STAT5B: variants seen among roughly 807,000 people sequenced by gnomAD.
The protein encoded by STAT5B is signal transducer and activator of transcription 5B.
A neutral mutation model predicts 107.8 loss-of-function variants in STAT5B; 21 were observed. That is an observed-to-expected ratio of 0.19 (90% CI 0.14 to 0.28). The LOEUF is 0.28. STAT5B is among the 10% of genes least tolerant of loss of function. The pLI, the probability that STAT5B is intolerant of heterozygous loss-of-function variation, is 1.00. For synonymous variants in STAT5B, 325 were observed against 401.7 expected (o/e 0.81, Z 2.28); for missense variants, 565 against 1,008.2 (o/e 0.56, Z 5.95).
At chr17:42,255,016 A>G (rs2080530884) in intron 1 of STAT5B, among the ~76,000 whole-genome samples, 1 of 152,116 alleles carries the variant, frequency 6.6e-6, no homozygotes, top group Non-Finnish European at 1.5e-5. Flanking sequence ...ACTTGAACCC[A>G]GGAGGCAGAG....
At chr17:42,271,273 A>G (rs2080720415) in intron 1 of STAT5B, 1 of 152,256 alleles carries the variant, frequency 6.6e-6, no homozygotes, top group African/African-American at 2.4e-5. Flanking sequence ...TTGTCCTGTT[A>G]TCATTACAGG....
At chr17:42,269,836 A>G (rs1045340738) in intron 1 of STAT5B, 2 of 147,494 alleles carry the variant, frequency 1.4e-5, no homozygotes, top group African/African-American at 4.9e-5. Flanking sequence ...TCATAAATGA[A>G]AAAAAAAAAA....
At chr17:42,248,247 C>T (rs966426055) in intron 1 of STAT5B, among the ~76,000 whole-genome samples, 1 of 146,064 alleles carries the variant, frequency 6.8e-6, no homozygotes, top group Non-Finnish European at 1.5e-5. Flanking sequence ...TGCACTCCAG[C>T]CTGGGTGACA....
At chr17:42,246,716 G>C (rs944163122) in intron 1 of STAT5B, among the ~76,000 whole-genome samples, 19 of 152,250 alleles carry the variant, frequency 1.2e-4, no homozygotes, top group Non-Finnish European at 4.4e-5. Context: ...GCTCCCAGGA[G>C]GTCAAGGCTG....
chr17:42,218,684 G>A (rs2080195947), intron 8 of STAT5B, 39 bp downstream of exon 8: 1 of 1,611,810 alleles, frequency 6.2e-7, no homozygotes, highest in Non-Finnish European at 8.5e-7. Context: ...GGCAGGAGCT[G>A]CCCCAAGCTC....
chr17:42,264,978 ATG>A (rs1457861111), intron 1 of STAT5B, among the ~76,000 whole-genome samples: 2 of 120,950 alleles, frequency 1.7e-5, no homozygotes, highest in African/African-American at 6.4e-5. Context: ...GCATTTTTTC[ATG>A]TGTTTTTTGG....
At chr17:42,262,880 ACAC>A (rs2080618962) in intron 1 of STAT5B, among the ~76,000 whole-genome samples, 1 of 125,560 alleles carries the variant, frequency 8.0e-6, no homozygotes, top group Non-Finnish European at 1.7e-5. Flanking sequence ...GTGTATATAT[ACAC>A]ATATATATGT....
At position 42,201,369 on chromosome 17, in the gene STAT5B, A is replaced by G; in HGVS notation, c.*369T>C. 1 of 577,172 alleles carries G rather than the reference A, an allele frequency of 1.7e-6. No homozygotes were observed. Among genetic ancestry groups the G allele is most frequent in the Admixed American group, 3.1e-5 (1 of 32,022 alleles). 35.8% of individuals were successfully genotyped at this position (577,172 alleles called of 1,614,324 possible). On this transcript the variant is annotated 3_prime_UTR_variant, in exon 19 of 19. Transcript: ENST00000293328. ...TTCAAACAGCCACATGTCAAAGTCCAGCCACTCTTAAGACACATGGCCAAC... is the reference window on the plus strand; with the variant it reads ...TTCAAACAGCCACATGTCAAAGTCCGGCCACTCTTAAGACACATGGCCAAC...
chr17:42,288,093 T>TCGCC, the STAT5B span: 1 of 152,194 alleles, frequency 6.6e-6, no homozygotes, highest in Non-Finnish European at 1.5e-5. The surrounding 1 kb of genome is among the most constrained non-coding windows in gnomAD (Gnocchi z 4.8). Flanking sequence ...CTGGAAGGCG[T>TCGCC]CGCCAATTGG....
At chr17:42,282,039 A>T in the STAT5B span, among the ~76,000 whole-genome samples, 1 of 152,180 alleles carries the variant, frequency 6.6e-6, no homozygotes, top group Non-Finnish European at 1.5e-5. Context: ...CCAGGGCAGC[A>T]GGGGGAGAGT....
At chr17:42,261,448 A>G (rs1193269610) in intron 1 of STAT5B, among the ~76,000 whole-genome samples, 1 of 152,258 alleles carries the variant, frequency 6.6e-6, no homozygotes, top group Non-Finnish European at 1.5e-5. Context: ...CGTGATTTTT[A>G]AAAATGTTTT....
Position 42,207,755 on chromosome 17 carries a change from T to A in STAT5B, c.1907-27A>T, listed in dbSNP as rs2080098097. On this transcript the variant is annotated intron_variant, in intron 15 of 18. Transcript: ENST00000293328. ...TAGATCAATAAACAGAACAATCACA[T>A]TCTAAACATGATTTCTGAATTAGGA... is the stretch of plus-strand genomic sequence containing the variant. 8 of 1,613,154 alleles carry A rather than the reference T, an allele frequency of 5.0e-6. No individual in the cohort carries two copies. The African/African-American group carries it at 6.7e-5, about 13-fold the overall frequency.
intron 13 of STAT5B, 73 bp from the exon 14 acceptor site, chr17:42,210,570 GAAAAATTA>G: frequency 7.4e-7 from 1 of 1,357,060 alleles, no homozygotes. Flanking sequence ...TATTTAATTG[GAAAAATTA>G]AATGGGAAAC....
chr17:42,211,374 C>T (rs1005095161), intron 13 of STAT5B, among the ~76,000 whole-genome samples: 7 of 151,936 alleles, frequency 4.6e-5, no homozygotes, highest in Non-Finnish European at 7.4e-5. Flanking sequence ...GGCGTGGTGC[C>T]GCATGCCTGT....
chr17:42,241,445 ATTTTT>A (rs373823195), intron 1 of STAT5B, among the ~76,000 whole-genome samples: 3 of 143,706 alleles, frequency 2.1e-5, no homozygotes, highest in African/African-American at 7.6e-5. Context: ...TAGTACAGCA[ATTTTT>A]TTTTTTTTTT....
At chr17:42,262,948 G>GTATATATATGTATATATATA (rs2080623571) in intron 1 of STAT5B, among the ~76,000 whole-genome samples, 5 of 49,612 alleles carry the variant, frequency 1.0e-4, no homozygotes, top group Admixed American at 4.7e-4. Flanking sequence ...ATATATGTGT[G>GTATATATATGTATATATATA]TGTGTGTGTG....
Position 42,256,916 on chromosome 17 carries a change from C to T in STAT5B, c.-11+19332G>A, listed in dbSNP as rs116989542. On this transcript the variant is annotated intron_variant, in intron 1 of 18. Coordinates refer to ENST00000293328, the MANE Select transcript of STAT5B (RefSeq NM_012448.4). ...CTACATACTTGTTCTATTTTATTAT[C>T]ATTGTTCTTAATCTCTTACTGTGCC... Among the ~76,000 whole-genome samples the T allele has an allele frequency of 5.8e-3, 816 of 141,812 alleles. 5 individuals are homozygous for T. Among genetic ancestry groups the T allele is most frequent in the Middle Eastern group, 0.039 (10 of 256 alleles). The allele number at this position is 141,812 out of a possible 152,430, so 93.0% of individuals were successfully genotyped here.
chr17:42,268,334 C>G (rs539405376), intron 1 of STAT5B, among the ~76,000 whole-genome samples: 2 of 152,266 alleles, frequency 1.3e-5, no homozygotes, highest in African/African-American at 4.8e-5. Context: ...ACATGTTCCA[C>G]AGGTTTGTAG....
Position 42,217,403 on chromosome 17 carries a change from T to C in STAT5B, c.1231A>G (p.Thr411Ala). 6.2e-7 allele frequency: 1 copy of C among 1,614,222 alleles called. No individual in the cohort carries two copies. The highest frequency in any genetic ancestry group is 8.5e-7 in the Non-Finnish European group (1 of 1,180,038). ...CVMEYHQATG[T>A]LSAHFRNMSL... ...ATATTCCTGAAGTGGGCACTAAGGG[T>C]GCCTGTGGCTTGGTGGTACTCCATG... Residue 411 changes from threonine (T) to alanine (A), a missense_variant, in exon 10 of 19, where the codon ACC becomes GCC. This residue lies in a region of STAT5B where 70 missense variants were observed against 73.2 expected (regional missense o/e 0.96). Coordinates refer to ENST00000293328, the MANE Select transcript of STAT5B (RefSeq NM_012448.4).
Sources: allele counts gnomAD v4.1 joint callset (sites outside exome capture counted in the v4.1 genomes callset), GRCh38; gene constraint gnomAD v4.1.1; regional missense constraint gnomAD v4.1.1; non-coding constraint Gnocchi (gnomAD v3.1); transcripts MANE v1.5; gene names NCBI Gene and HGNC (gene_info 2026-07-23, HGNC 2026-07-21).